The following PRH1 variants were observed in gnomAD, a reference collection of about 807,000 sequenced individuals.
PRH1 encodes the protein salivary acidic proline-rich phosphoprotein 1/2.
Under a neutral mutation model 7.9 loss-of-function variants are expected in PRH1, and 7 were observed. That is an observed-to-expected ratio of 0.89 (90% CI 0.50 to 1.67). The LOEUF (loss-of-function observed/expected upper bound fraction) is 1.67, where lower values mean the gene tolerates loss of function less well. Among genes scored for constraint, PRH1 ranks in the 40% most tolerant of loss-of-function variants. PRH1 has a pLI of 0.00. For missense variants in PRH1, 109 were observed against 223.6 expected (o/e 0.49, Z 3.27); for synonymous variants, 45 against 80.8 (o/e 0.56, Z 2.38).
chr12:11,065,947 T>C lies in PRH1; in HGVS notation n.124-18759A>G, dbSNP rs551989505. Among the ~76,000 whole-genome samples, 12 of 152,300 alleles carry C rather than the reference T, an allele frequency of 7.9e-5. No homozygotes were observed. The East Asian group carries it at 1.4e-3, about 17-fold the overall frequency. On this transcript the variant is annotated intron_variant and non_coding_transcript_variant, in intron 1 of 4. Transcript: ENST00000541977. ...GGGAAATTCAGTGAGCAGCACTGGA[T>C]CTCAAAATGTCATTACAATTAATAA...
intron 1 of PRH1, among the ~76,000 whole-genome samples, chr12:11,018,739 C>T (rs372278174): frequency 1.3e-5 from 2 of 152,226 alleles, no homozygotes; most frequent in Admixed American, 6.5e-5. Flanking sequence ...AAAGTGGCCA[C>T]GTGGGCATCC....
At chr12:10,980,723 T>C (rs1939311920) in intron 1 of PRH1, among the ~76,000 whole-genome samples, 2 of 152,162 alleles carry the variant, frequency 1.3e-5, no homozygotes, top group African/African-American at 4.8e-5. Context: ...AGTGTGATAT[T>C]TTCAATTTAG....
At chr12:11,031,086 C>G (rs1475052340) in intron 1 of PRH1, 2 of 1,614,288 alleles carry the variant, frequency 1.2e-6, no homozygotes, top group Non-Finnish European at 8.5e-7. Context: ...ACATTATAAG[C>G]AGTAGTTCTT....
intron 2 of PRH1, among the ~76,000 whole-genome samples, chr12:10,934,880 C>A (rs778350315): frequency 1.3e-5 from 2 of 152,130 alleles, no homozygotes; most frequent in Non-Finnish European, 1.5e-5. Flanking sequence ...AATCTCTTCA[C>A]AATTTGCTTA....
intron 2 of PRH1, among the ~76,000 whole-genome samples, chr12:10,972,158 G>A (rs1361939375): frequency 6.6e-6 from 1 of 152,030 alleles, no homozygotes; most frequent in Non-Finnish European, 1.5e-5. Flanking sequence ...ATTTAATATA[G>A]GTGTCATGGG....
At chr12:10,936,341 GC>G (rs1315336163) in intron 2 of PRH1, among the ~76,000 whole-genome samples, 1 of 152,112 alleles carries the variant, frequency 6.6e-6, no homozygotes, top group African/African-American at 2.4e-5. Flanking sequence ...GCAAAGAGAA[GC>G]TTTCTAAGAA....
chr12:10,962,924 C>T (rs1181373952), intron 2 of PRH1, among the ~76,000 whole-genome samples: 1 of 152,212 alleles, frequency 6.6e-6, no homozygotes, highest in South Asian at 2.1e-4. Context: ...CTCCCGCCAC[C>T]ACGCCCTGCT....
rs529489876 is a variant in PRH1 at position 11,054,154 on chromosome 12, C to CA, written n.124-6967dup. 5.8e-3 allele frequency among the ~76,000 whole-genome samples: 879 copies of CA among 152,270 alleles called. 11 individuals are homozygous for CA. Among genetic ancestry groups the CA allele is most frequent in the African/African-American group, 0.02 (841 of 41,544 alleles). On this transcript the variant is annotated intron_variant and non_coding_transcript_variant, in intron 1 of 4. Coordinates refer to the PRH1 transcript ENST00000541977. ...TATTATTCTCAGAATCAGGCCTAGA[C>CA]AAATACCCTCACATAGTATTTCATC...
At chr12:10,937,243 TGTGC>T (rs1950303792) in intron 2 of PRH1, among the ~76,000 whole-genome samples, 1 of 151,770 alleles carries the variant, frequency 6.6e-6, no homozygotes, top group Non-Finnish European at 1.5e-5. Context: ...TGTGTGTGTG[TGTGC>T]GTGCGTGTGT....
chr12:10,882,663 G>A lies in PRH1; in HGVS notation c.136C>T (p.Arg46Cys), dbSNP rs375938240. 14 of 1,581,612 alleles carry A rather than the reference G, an allele frequency of 8.9e-6. No homozygotes were observed. Among genetic ancestry groups the A allele is most frequent in the African/African-American group, 2.7e-5 (2 of 74,540 alleles). The change falls in exon 3 of 4, where the codon CGT (arginine) becomes TGT (cysteine). Residue 46 changes from arginine to cysteine, a missense_variant. By Grantham distance (180) the Arg-to-Cys change is radical. Coordinates refer to ENST00000543626, the MANE Select transcript of PRH1 (RefSeq NM_001393989.1). ...GDSEQFLDEE[R>C]QGPPLGGQQS... is the part of the protein sequence containing the mutation. Reference sequence around the variant, plus strand: ...TGTCCTCCCAAAGGTGGTCCCTGACGCTCCTCATCTAGGAACTGCTCAGAG... The same window carrying A: ...TGTCCTCCCAAAGGTGGTCCCTGACACTCCTCATCTAGGAACTGCTCAGAG...
intron 1 of PRH1, among the ~76,000 whole-genome samples, chr12:11,157,408 T>TA (rs1316385656): frequency 6.6e-6 from 1 of 152,230 alleles, no homozygotes; most frequent in Non-Finnish European, 1.5e-5. Context: ...CTTTGTGCCT[T>TA]ACAAGTCCAT....
intron 2 of PRH1, chr12:10,931,055 C>G: frequency 6.3e-7 from 1 of 1,580,946 alleles, no homozygotes; most frequent in Non-Finnish European, 8.6e-7. Context: ...GGGCAGTCTC[C>G]TCAGTAATCT....
intron 1 of PRH1, among the ~76,000 whole-genome samples, chr12:11,165,307 T>C (rs1947541052): frequency 7.0e-6 from 1 of 142,576 alleles, no homozygotes; most frequent in Non-Finnish European, 1.6e-5. Flanking sequence ...CCATCTCTTC[T>C]CTCCTTTTCT....
In PRH1 at chr12:10,894,035, A is replaced by G. The variant is rs369390887; in HGVS notation, c.-58-9760T>C. Among the ~76,000 whole-genome samples, 5 of 152,098 alleles carry G rather than the reference A, an allele frequency of 3.3e-5. No individual in the cohort carries two copies. In the East Asian group the frequency reaches 9.6e-4, roughly 29 times the overall value. On this transcript the variant is annotated intron_variant, in intron 2 of 3. Transcript: ENST00000539853. ...GATTTGTTTTTCTTTTCAAAACTTT[A>G]TTTATTTTTCTTTCTTTACACAGTG... is the stretch of plus-strand genomic sequence containing the variant.
chr12:10,959,557 TACTA>T (rs1938137255), intron 2 of PRH1, among the ~76,000 whole-genome samples: 1 of 152,080 alleles, frequency 6.6e-6, no homozygotes, highest in African/African-American at 2.4e-5. Context: ...AGAAATAAGA[TACTA>T]ACAGATACTG....
chr12:10,968,376 C>A (rs1354964560), intron 2 of PRH1, among the ~76,000 whole-genome samples: 1 of 152,054 alleles, frequency 6.6e-6, no homozygotes, highest in African/African-American at 2.4e-5. Context: ...TAGGCATTAT[C>A]CAATTTATGA....
At position 10,963,388 on chromosome 12, in the gene PRH1, C is replaced by G. The variant is rs150550634; in HGVS notation, c.-59+10267G>C. Among the ~76,000 whole-genome samples, 353 of 151,996 alleles carry G rather than the reference C, an allele frequency of 2.3e-3. 2 individuals are homozygous for G. The highest frequency in any genetic ancestry group is 8.2e-3 in the African/African-American group (339 of 41,484). ...GTCATAGACGTCATTTTAGAATTTG[C>G]AGAAAGTATAATTCAAATGATTTTC... On this transcript the variant is annotated intron_variant, in intron 2 of 3. Transcript: ENST00000539853.
At chr12:10,945,362 T>C (rs370519400) in intron 2 of PRH1, among the ~76,000 whole-genome samples, 13 of 152,058 alleles carry the variant, frequency 8.5e-5, no homozygotes, top group Non-Finnish European at 1.8e-4. Flanking sequence ...GTCTGAGAAA[T>C]AAAAAGACAG....
intron 2 of PRH1, among the ~76,000 whole-genome samples, chr12:10,936,951 C>CT (rs113417772): frequency 1.1e-4 from 16 of 152,168 alleles, no homozygotes; most frequent in Middle Eastern, 3.4e-3. Context: ...CAGCCCTCAT[C>CT]TTTTTTTAAG....
Sources: gnomAD v4.1 joint callset for allele counts (sites outside exome capture counted in the v4.1 genomes callset) on GRCh38, gnomAD v4.1.1 for gene constraint, MANE v1.5 for transcripts, NCBI Gene and HGNC (gene_info 2026-07-23, HGNC 2026-07-21) for gene names.